TTC7B: variants seen among roughly 807,000 people sequenced by gnomAD.
TTC7B encodes the protein tetratricopeptide repeat protein 7B.
TTC7B carries 28 observed loss-of-function variants against 106.8 expected under a neutral mutation model. The ratio of observed to expected loss-of-function variants is 0.26; its 90% confidence interval spans 0.19 to 0.36. The LOEUF (loss-of-function observed/expected upper bound fraction) is 0.36, where lower values mean the gene tolerates loss of function less well. Ranked by LOEUF, TTC7B falls within the 10% of genes least tolerant of loss-of-function variation. The pLI is 1.00. For missense variants in TTC7B, 862 were observed against 1,076.4 expected, an observed-to-expected ratio of 0.80 and a Z score of 2.79; for synonymous variants, 405 against 430.6, an observed-to-expected ratio of 0.94 and a Z score of 0.74.
intron 5 of TTC7B, among the ~76,000 whole-genome samples, chr14:90,701,689 C>CATATATATATATATATATATAT (rs1887990238): frequency 7.0e-6 from 1 of 143,752 alleles, no homozygotes; most frequent in African/African-American, 2.5e-5. Flanking sequence ...CCAAAAGAAA[C>CATATATATATATATATATATAT]GTATATATAT....
chr14:90,696,414 C>T (rs771267636), intron 5 of TTC7B, among the ~76,000 whole-genome samples: 8 of 152,138 alleles, frequency 5.3e-5, no homozygotes, highest in Non-Finnish European at 1.2e-4. Flanking sequence ...CATAACTCGG[C>T]GATATTTATA....
chr14:90,538,745 TC>T lies in TTC7B; in HGVS notation c.*2622del, dbSNP rs1889481729. 6.6e-6 allele frequency: 1 copy of T among 152,176 alleles called. No individual in the cohort carries two copies. The highest frequency in any genetic ancestry group is 2.4e-5 in the African/African-American group (1 of 41,420). 9.4% of individuals were successfully genotyped at this position (152,176 alleles called of 1,614,324 possible). ...AAGGACGGCAGGACTTTCCTGCATT[TC>T]TTAGGTACCTTTTAGGTAGAAGTGA... On this transcript the variant is annotated 3_prime_UTR_variant, in exon 20 of 20. Coordinates refer to ENST00000328459, the MANE Select transcript of TTC7B (RefSeq NM_001010854.2).
chr14:90,782,805 C>T (rs1891262353), intron 2 of TTC7B, among the ~76,000 whole-genome samples: 1 of 152,150 alleles, frequency 6.6e-6, no homozygotes, highest in Non-Finnish European at 1.5e-5. Flanking sequence ...AAGAGGTTCG[C>T]TCTGGGAAGA....
intron 14 of TTC7B, among the ~76,000 whole-genome samples, chr14:90,645,879 C>A (rs1411968342): frequency 6.6e-6 from 1 of 152,160 alleles, no homozygotes; most frequent in Non-Finnish European, 1.5e-5. Context: ...GTTCCTGGAA[C>A]CTACAGTCCA....
intron 15 of TTC7B, 63 bp downstream of exon 15, chr14:90,643,985 C>A: frequency 6.3e-7 from 1 of 1,588,452 alleles, no homozygotes; most frequent in Non-Finnish European, 8.6e-7. Context: ...GGAAAGAAGG[C>A]AGGGGAAGAA....
In TTC7B at chr14:90,575,050, C is replaced by T. The variant is rs1295048291; in HGVS notation, c.2310+3056G>A. On this transcript the variant is annotated intron_variant, in intron 19 of 19. Coordinates refer to ENST00000328459, the MANE Select transcript of TTC7B (RefSeq NM_001010854.2). This position sits in a 1 kb window ranked among gnomAD's most constrained non-coding sequence, Gnocchi z 5.2. The stretch of plus-strand genomic sequence containing the variant: ...GTGCCAGGCAACTGTCAACGCTCAG[C>T]TCTGTTTCCGCCACTCTCCGCCACA... Among the ~76,000 whole-genome samples, 2 of 152,186 alleles carry T rather than the reference C, an allele frequency of 1.3e-5. No homozygotes were observed. Among genetic ancestry groups the T allele is most frequent in the Non-Finnish European group, 2.9e-5 (2 of 68,026 alleles).
intron 7 of TTC7B, among the ~76,000 whole-genome samples, chr14:90,688,147 C>T (rs1887319551): frequency 6.6e-6 from 1 of 152,152 alleles, no homozygotes; most frequent in South Asian, 2.1e-4. Flanking sequence ...TGTGTGTTCC[C>T]CTTTCCTTCA....
intron 15 of TTC7B, among the ~76,000 whole-genome samples, chr14:90,637,480 A>C (rs544506983): frequency 3.7e-4 from 56 of 152,252 alleles, no homozygotes; most frequent in African/African-American, 1.3e-3. Flanking sequence ...TAATTCCAAA[A>C]CATGCAAAAA....
intron 5 of TTC7B, among the ~76,000 whole-genome samples, chr14:90,715,598 G>A (rs1228575081): frequency 6.6e-6 from 1 of 152,138 alleles, no homozygotes; most frequent in Non-Finnish European, 1.5e-5. Flanking sequence ...CCCAGTTACA[G>A]ATGAAGAAAC....
intron 18 of TTC7B, among the ~76,000 whole-genome samples, chr14:90,584,154 C>CAG (rs1356955550): frequency 6.6e-6 from 1 of 152,198 alleles, no homozygotes; most frequent in Admixed American, 6.5e-5. Flanking sequence ...GCCTTGCGCA[C>CAG]AGAGGGCTTC....
At chr14:90,797,092 G>A (rs1271898433) in intron 1 of TTC7B, among the ~76,000 whole-genome samples, 4 of 149,316 alleles carry the variant, frequency 2.7e-5, no homozygotes, top group Non-Finnish European at 4.5e-5. Flanking sequence ...TGATCTGCCC[G>A]CCTTGGCCTC....
chr14:90,557,176 C>A (rs770584487), intron 19 of TTC7B, among the ~76,000 whole-genome samples: 2 of 152,180 alleles, frequency 1.3e-5, no homozygotes, highest in Admixed American at 1.3e-4. Context: ...CGGGGCTCAT[C>A]CCTTTGCGAG....
chr14:90,701,782 A>ATGTG (rs34677795), intron 5 of TTC7B, among the ~76,000 whole-genome samples: 6 of 132,582 alleles, frequency 4.5e-5, no homozygotes, highest in Non-Finnish European at 7.8e-5. Flanking sequence ...ATATATGTAT[A>ATGTG]TGTGTGTGTG....
intron 4 of TTC7B, among the ~76,000 whole-genome samples, chr14:90,744,087 C>A (rs1004210121): frequency 6.6e-6 from 1 of 152,240 alleles, no homozygotes; most frequent in African/African-American, 2.4e-5. Context: ...ACGTCCCCAG[C>A]ACCTTTGCCA....
intron 15 of TTC7B, among the ~76,000 whole-genome samples, chr14:90,639,020 G>A (rs1885058917): frequency 6.6e-6 from 1 of 152,162 alleles, no homozygotes. Context: ...CACATTGGCT[G>A]GCTCATACCA....
intron 18 of TTC7B, 95 bp downstream of exon 18, chr14:90,593,391 G>A: frequency 6.8e-7 from 1 of 1,463,628 alleles, no homozygotes; most frequent in Non-Finnish European, 9.0e-7. Flanking sequence ...GGGCTAAACA[G>A]ACAAGCGCCC....
At chr14:90,664,388 G>T (rs1011200466) in intron 9 of TTC7B, among the ~76,000 whole-genome samples, 4 of 152,284 alleles carry the variant, frequency 2.6e-5, no homozygotes, top group Middle Eastern at 6.8e-3. Context: ...GCCTGCCTCA[G>T]CCTCCGGAGT....
At chr14:90,679,846 C>A (rs1441680775) in intron 8 of TTC7B, among the ~76,000 whole-genome samples, 2 of 152,116 alleles carry the variant, frequency 1.3e-5, no homozygotes, top group African/African-American at 2.4e-5. Flanking sequence ...TATATTCTGG[C>A]CAAATACTAA....
intron 16 of TTC7B, among the ~76,000 whole-genome samples, chr14:90,615,721 A>G (rs1310751050): frequency 6.6e-6 from 1 of 152,198 alleles, no homozygotes; most frequent in Non-Finnish European, 1.5e-5. Flanking sequence ...GACTACATTT[A>G]CATAATGATA....
Sources: gnomAD v4.1 joint callset for allele counts (sites outside exome capture counted in the v4.1 genomes callset) on GRCh38, gnomAD v4.1.1 for gene constraint, Gnocchi (gnomAD v3.1) non-coding constraint, MANE v1.5 for transcripts, NCBI Gene and HGNC (gene_info 2026-07-23, HGNC 2026-07-21) for gene names.